ROBO2: variants seen among roughly 807,000 people sequenced by gnomAD.
ROBO2 encodes roundabout guidance receptor 2.
ROBO2 carries 53 observed loss-of-function variants against 160.8 expected under a neutral mutation model. The ratio of observed to expected loss-of-function variants is 0.33; its 90% confidence interval spans 0.26 to 0.41. The LOEUF (loss-of-function observed/expected upper bound fraction) is 0.41. Among genes scored for constraint, ROBO2 ranks in the 10% least tolerant of loss-of-function variants. ROBO2 has a pLI of 1.00. For synonymous variants in ROBO2, 664 were observed against 611.7 expected (o/e 1.09, Z -1.26); for missense variants, 1,577 against 1,722.4 (o/e 0.92, Z 1.49).
At chr3:76,169,585 A>G (rs1238224642) in intron 2 of ROBO2, among the ~76,000 whole-genome samples, 3 of 152,220 alleles carry the variant, frequency 2.0e-5, no homozygotes, top group African/African-American at 7.2e-5. Flanking sequence ...TATACAATAC[A>G]GGAAATAATG....
chr3:76,055,496 C>T (rs1026471931), intron 2 of ROBO2, among the ~76,000 whole-genome samples: 2 of 152,112 alleles, frequency 1.3e-5, no homozygotes, highest in South Asian at 2.1e-4. Context: ...ATTCCCCTGT[C>T]GCCCTCCCCC....
intron 1 of ROBO2, among the ~76,000 whole-genome samples, chr3:75,919,372 T>G (rs2106812870): frequency 6.6e-6 from 1 of 152,340 alleles, no homozygotes; most frequent in East Asian, 1.9e-4. Flanking sequence ...CAGCCTTGCA[T>G]GCCAGGCATG....
chr3:76,998,132 G>T (rs951176871), intron 2 of ROBO2, among the ~76,000 whole-genome samples: 2 of 152,258 alleles, frequency 1.3e-5, no homozygotes, highest in African/African-American at 4.8e-5. Flanking sequence ...ACAATGTTCT[G>T]TGGTCAGTTT....
At chr3:76,469,090 A>G (rs988931893) in intron 2 of ROBO2, among the ~76,000 whole-genome samples, 2 of 152,062 alleles carry the variant, frequency 1.3e-5, no homozygotes, top group Non-Finnish European at 2.9e-5. Flanking sequence ...AATTAAGTCA[A>G]TTAATAGTGA....
At chr3:76,225,576 A>G (rs1289292976) in intron 2 of ROBO2, among the ~76,000 whole-genome samples, 1 of 152,068 alleles carries the variant, frequency 6.6e-6, no homozygotes, top group Admixed American at 6.6e-5. Flanking sequence ...TTAGCTGGGC[A>G]TGGCAGCATG....
intron 2 of ROBO2, among the ~76,000 whole-genome samples, chr3:76,589,312 G>A (rs1205210879): frequency 6.6e-6 from 1 of 151,544 alleles, no homozygotes; most frequent in Admixed American, 6.6e-5. Context: ...TTGTTTGTTT[G>A]TTTTTGAGAC....
intron 2 of ROBO2, among the ~76,000 whole-genome samples, chr3:76,839,535 A>T (rs1191373772): frequency 2.0e-5 from 3 of 152,172 alleles, no homozygotes; most frequent in Non-Finnish European, 2.9e-5. Context: ...ATGATAAATG[A>T]TCTTTTTAGT....
intron 20 of ROBO2, chr3:77,604,135 C>T (rs1424230045): frequency 1.3e-5 from 2 of 152,162 alleles, no homozygotes; most frequent in East Asian, 3.9e-4. Flanking sequence ...GGGTCATTTG[C>T]TCTTCTTGCC....
chr3:77,170,928 A>G (rs536702040), intron 2 of ROBO2, among the ~76,000 whole-genome samples: 7 of 152,220 alleles, frequency 4.6e-5, no homozygotes, highest in Admixed American at 6.5e-5. Flanking sequence ...ATACAAGCAG[A>G]GGGTGCTTAA....
intron 1 of ROBO2, among the ~76,000 whole-genome samples, chr3:77,059,229 C>T (rs988494220): frequency 6.6e-6 from 1 of 151,916 alleles, no homozygotes; most frequent in African/African-American, 2.4e-5. Flanking sequence ...AGGAAGGTCC[C>T]GAAGTGGACA....
chr3:77,551,687 C>T (rs947776180), intron 8 of ROBO2, among the ~76,000 whole-genome samples: 4 of 151,962 alleles, frequency 2.6e-5, no homozygotes, highest in African/African-American at 4.8e-5. Context: ...ATGTCTTAAA[C>T]TGAAAATTAT....
Position 76,754,942 on chromosome 3 carries a change from T to C in ROBO2, c.110-343072T>C, listed in dbSNP as rs140420913. On this transcript the variant is annotated intron_variant, in intron 2 of 26. Transcript: ENST00000487694. ...TTCTATACAACTAGAAACCTTTAAG[T>C]GAAAAAACACAATGGCTATTTAGGT... Among the ~76,000 whole-genome samples the C allele has an allele frequency of 1.8e-4, 27 of 152,012 alleles. No individual in the cohort carries two copies. The East Asian group carries it at 5.1e-3, about 29-fold the overall frequency.
intron 2 of ROBO2, among the ~76,000 whole-genome samples, chr3:76,770,579 G>A (rs1474353046): frequency 6.6e-6 from 1 of 151,154 alleles, no homozygotes; most frequent in Non-Finnish European, 1.5e-5. Context: ...TCATAAATAT[G>A]CACCCTTACA....
intron 2 of ROBO2, among the ~76,000 whole-genome samples, chr3:76,362,129 C>G (rs2108396995): frequency 6.6e-6 from 1 of 152,088 alleles, no homozygotes; most frequent in African/African-American, 2.4e-5. Flanking sequence ...CTTTGGGAGG[C>G]CAAGGTGGGA....
intron 2 of ROBO2, among the ~76,000 whole-genome samples, chr3:77,266,801 G>A: frequency 6.6e-6 from 1 of 151,946 alleles, no homozygotes; most frequent in East Asian, 1.9e-4. Flanking sequence ...TTTATGTAAG[G>A]GTCACAATGC....
chr3:75,932,670 A>G (rs1409866807), intron 1 of ROBO2, among the ~76,000 whole-genome samples: 1 of 152,184 alleles, frequency 6.6e-6, no homozygotes, highest in Non-Finnish European at 1.5e-5. Context: ...TTGGCAAATG[A>G]TTTATCTGAA....
At chr3:77,381,271 C>T (rs1325857305) in intron 2 of ROBO2, among the ~76,000 whole-genome samples, 1 of 152,122 alleles carries the variant, frequency 6.6e-6, no homozygotes, top group Admixed American at 6.5e-5. Flanking sequence ...GCCGAGATCA[C>T]GCCACTGCAC....
At chr3:77,325,103 G>A (rs986674838) in intron 2 of ROBO2, among the ~76,000 whole-genome samples, 7 of 152,158 alleles carry the variant, frequency 4.6e-5, no homozygotes, top group African/African-American at 1.7e-4. Flanking sequence ...TGATTCATAA[G>A]TATTGCTTGT....
chr3:76,892,474 G>A (rs995795133), intron 2 of ROBO2, among the ~76,000 whole-genome samples: 11 of 152,188 alleles, frequency 7.2e-5, no homozygotes, highest in African/African-American at 2.6e-4. Context: ...CTAGTGCCCA[G>A]ATGCCAATAA....
Sources: gnomAD v4.1 joint callset for allele counts (sites outside exome capture counted in the v4.1 genomes callset) on GRCh38, gnomAD v4.1.1 for gene constraint, MANE v1.5 for transcripts, NCBI Gene and HGNC (gene_info 2026-07-23, HGNC 2026-07-21) for gene names.